The following NBEA variants were observed in gnomAD, a reference collection of about 807,000 sequenced individuals.
The protein encoded by NBEA is neurobeachin.
NBEA carries 44 observed loss-of-function variants against 343.4 expected under a neutral mutation model. That is an observed-to-expected ratio of 0.13 (90% CI 0.10 to 0.16). NBEA has a LOEUF of 0.16. NBEA is among the 10% of genes least tolerant of loss of function. The pLI is 1.00. For missense variants in NBEA, 2,555 were observed against 3,631.3 expected (o/e 0.70, Z 7.62); for synonymous variants, 1,175 against 1,238.7 (o/e 0.95, Z 1.08).
chr13:35,593,459 T>C lies in NBEA; in HGVS notation c.7296+12T>C, dbSNP rs1226601033. 6.3e-7 allele frequency: 1 copy of C among 1,585,108 alleles called. No individual in the cohort carries two copies. Among genetic ancestry groups the C allele is most frequent in the African/African-American group, 1.4e-5 (1 of 73,044 alleles). On this transcript the variant is annotated intron_variant, in intron 47 of 58. Transcript: ENST00000379939. ...CTTCTGATGTAAAGGTAGGCTCTTT[T>C]ATTTGTTGATATTCATTAAATTTCA...
At chr13:35,570,335 A>G (rs2080344189) in intron 45 of NBEA, among the ~76,000 whole-genome samples, 1 of 152,136 alleles carries the variant, frequency 6.6e-6, no homozygotes. Context: ...CGCCCAGCCC[A>G]TTTCAGGGTT....
intron 46 of NBEA, among the ~76,000 whole-genome samples, chr13:35,591,381 C>T (rs549589858): frequency 1.3e-5 from 2 of 152,058 alleles, no homozygotes; most frequent in East Asian, 3.9e-4. Context: ...GTGAATTAAA[C>T]ATCTAAAAAG....
chr13:35,425,969 C>G (rs1291137415), intron 38 of NBEA, among the ~76,000 whole-genome samples: 2 of 152,158 alleles, frequency 1.3e-5, no homozygotes, highest in African/African-American at 4.8e-5. Context: ...AGGATTGCAA[C>G]CCCTGGCTTT....
intron 1 of NBEA, among the ~76,000 whole-genome samples, chr13:34,993,984 G>A (rs2060849085): frequency 6.6e-6 from 1 of 151,844 alleles, no homozygotes; most frequent in South Asian, 2.1e-4. Context: ...GATCACTTGA[G>A]GTCAAGAGCT....
intron 56 of NBEA, 110 bp from the exon 57 acceptor site, chr13:35,667,264 C>CTCT (rs1360176388): frequency 1.2e-6 from 1 of 866,094 alleles, no homozygotes. Flanking sequence ...CTTTCCTGTC[C>CTCT]TCTTCCGTCA....
intron 38 of NBEA, among the ~76,000 whole-genome samples, chr13:35,391,011 A>G (rs1354432381): frequency 1.3e-5 from 2 of 152,294 alleles, no homozygotes; most frequent in Admixed American, 1.3e-4. Context: ...GCAGTGGCTC[A>G]TGCCTGTAAT....
At chr13:35,155,088 C>T (rs1468259164) in intron 18 of NBEA, among the ~76,000 whole-genome samples, 1 of 146,522 alleles carries the variant, frequency 6.8e-6, no homozygotes, top group Non-Finnish European at 1.5e-5. Context: ...CATGATTGTG[C>T]CGCTGCAGTC....
At chr13:35,243,152 C>G (rs2030605855) in intron 34 of NBEA, among the ~76,000 whole-genome samples, 1 of 151,650 alleles carries the variant, frequency 6.6e-6, no homozygotes, top group Admixed American at 6.6e-5. Flanking sequence ...GATGACTGAG[C>G]TGTAAAGGAA....
At chr13:35,303,774 A>G (rs1005971106) in intron 35 of NBEA, among the ~76,000 whole-genome samples, 3 of 152,092 alleles carry the variant, frequency 2.0e-5, no homozygotes, top group African/African-American at 7.2e-5. Flanking sequence ...TCTCTTCATC[A>G]TAAAAACTTC....
At chr13:35,653,206 T>C (rs1393384704) in intron 53 of NBEA, among the ~76,000 whole-genome samples, 1 of 152,186 alleles carries the variant, frequency 6.6e-6, no homozygotes, top group Non-Finnish European at 1.5e-5. Flanking sequence ...AAGACAGTTT[T>C]TAATAATGTT....
chr13:35,086,811 A>T (rs1034458115), intron 10 of NBEA, among the ~76,000 whole-genome samples: 1 of 151,754 alleles, frequency 6.6e-6, no homozygotes, highest in African/African-American at 2.4e-5. Flanking sequence ...AGCACCTGTT[A>T]TTTTTTGTTC....
chr13:35,492,359 G>T (rs1454855157), intron 41 of NBEA, among the ~76,000 whole-genome samples: 1 of 151,818 alleles, frequency 6.6e-6, no homozygotes. Context: ...TTAAAAAGTA[G>T]AAATAAAGGA....
At chr13:35,002,735 T>G (rs1055277875) in intron 1 of NBEA, among the ~76,000 whole-genome samples, 4 of 152,182 alleles carry the variant, frequency 2.6e-5, no homozygotes, top group Non-Finnish European at 4.4e-5. Context: ...CAATGAGAAA[T>G]AAGTTTGTTT....
At chr13:34,946,847 G>GTTTTTTTTTTTT (rs778860351) in intron 1 of NBEA, among the ~76,000 whole-genome samples, 1 of 130,260 alleles carries the variant, frequency 7.7e-6, no homozygotes, top group African/African-American at 2.8e-5. Flanking sequence ...TAACTTTAAG[G>GTTTTTTTTTTTT]TTTTTTTTTT....
intron 10 of NBEA, among the ~76,000 whole-genome samples, chr13:35,078,449 A>G (rs1285149645): frequency 6.6e-6 from 1 of 152,186 alleles, no homozygotes; most frequent in Non-Finnish European, 1.5e-5. Context: ...CTTGTGTCAA[A>G]GAAGAGCAAG....
At chr13:35,538,513 A>C (rs1400705375) in intron 41 of NBEA, among the ~76,000 whole-genome samples, 1 of 152,360 alleles carries the variant, frequency 6.6e-6, no homozygotes, top group African/African-American at 2.4e-5. Context: ...AACACCGTGT[A>C]AAAACAATGT....
intron 33 of NBEA, among the ~76,000 whole-genome samples, chr13:35,215,994 T>C (rs1441290580): frequency 1.3e-5 from 2 of 151,554 alleles, no homozygotes; most frequent in African/African-American, 2.4e-5. Context: ...TTAAAAATTT[T>C]ATTATTAATA....
chr13:34,967,917 A>G (rs2059877006), intron 1 of NBEA, among the ~76,000 whole-genome samples: 1 of 152,092 alleles, frequency 6.6e-6, no homozygotes, highest in African/African-American at 2.4e-5. Context: ...TACAGACTCC[A>G]CAAGTTAAGG....
intron 38 of NBEA, among the ~76,000 whole-genome samples, chr13:35,413,244 C>G (rs1424335609): frequency 1.3e-5 from 2 of 151,996 alleles, no homozygotes; most frequent in Non-Finnish European, 2.9e-5. Context: ...ACTCTCAGTA[C>G]TTATGTTTTT....
Sources: allele counts gnomAD v4.1 joint callset (sites outside exome capture counted in the v4.1 genomes callset), GRCh38; gene constraint gnomAD v4.1.1; transcripts MANE v1.5; gene names NCBI Gene and HGNC (gene_info 2026-07-23, HGNC 2026-07-21).